Variants in CYBC1 observed in about 807,000 individuals in gnomAD.
CYBC1 encodes the protein essential for reactive oxygen species protein.
CYBC1 carries 22 observed loss-of-function variants against 21.7 expected under a neutral mutation model. That is an observed-to-expected ratio of 1.02 (90% CI 0.73 to 1.45). The LOEUF is 1.45. Ranked by LOEUF, CYBC1 falls within the 40% of genes most tolerant of loss-of-function variation. The pLI is 0.00. For synonymous variants in CYBC1, 112 were observed against 98.7 expected, an observed-to-expected ratio of 1.13 and a Z score of -0.80; for missense variants, 237 against 242.1, an observed-to-expected ratio of 0.98 and a Z score of 0.14.
intron 1 of CYBC1, chr17:82,449,698 G>T: frequency 6.2e-6 from 1 of 162,072 alleles, no homozygotes; most frequent in Non-Finnish European, 1.3e-5. Context: ...GGAACTGAAA[G>T]TCCCATCATG....
rs1358469505 is a variant in CYBC1, at chr17:82,442,900, G to T, written c.*1104C>A. ...CGCTCGGTGCACACCGCACCTGGGA[G>T]GACCTGGGTACACTCAGGAGACCAA... On this transcript the variant is annotated 3_prime_UTR_variant, in exon 7 of 7. Transcript: ENST00000306645. The surrounding 1 kb of genome is among the most constrained non-coding windows in gnomAD (Gnocchi z 6.8). The T allele has an allele frequency of 3.4e-6, 1 of 296,816 alleles. No homozygotes were observed. The highest frequency in any genetic ancestry group is 6.3e-6 in the Non-Finnish European group (1 of 158,694). 18.4% of individuals were successfully genotyped at this position (296,816 alleles called of 1,614,324 possible). A position where few individuals can be genotyped will look rare whatever the true frequency, so the allele number is the denominator to read the frequency against.
intron 5 of CYBC1, 42 bp from the exon 6 acceptor site, chr17:82,444,633 C>A: frequency 6.4e-7 from 1 of 1,560,880 alleles, no homozygotes; most frequent in Non-Finnish European, 8.7e-7. Flanking sequence ...CCCGCCCACA[C>A]ATGCTGCCCG....
chr17:82,449,021 G>C (rs1341980120), intron 2 of CYBC1, 149 bp downstream of exon 2: 19 of 648,638 alleles, frequency 2.9e-5, no homozygotes, highest in Non-Finnish European at 4.7e-5. Flanking sequence ...AAGTACACCA[G>C]ATAGAATTTG....
chr17:82,447,410 G>A (rs544159205), intron 3 of CYBC1, 170 bp downstream of exon 3: 137 of 658,942 alleles, frequency 2.1e-4, no homozygotes, highest in African/African-American at 1.8e-3. Flanking sequence ...ATGGGCGTGC[G>A]GAAGAACAGC....
chr17:82,446,111 G>T, intron 4 of CYBC1, 151 bp from the exon 5 acceptor site: 1 of 633,806 alleles, frequency 1.6e-6, no homozygotes, highest in South Asian at 1.9e-5. Flanking sequence ...GAAGCCACAG[G>T]TGCTGCTCTG....
intron 3 of CYBC1, 46 bp from the exon 4 acceptor site, chr17:82,446,742 C>T (rs774623467): frequency 1.3e-6 from 2 of 1,591,690 alleles, no homozygotes; most frequent in Non-Finnish European, 8.6e-7. Flanking sequence ...CAGGGACATG[C>T]CCACGGGAGG....
rs138330044 is a variant in CYBC1, at chr17:82,448,033, C to T, written c.86-412G>A. 691 of 287,108 alleles carry T rather than the reference C, an allele frequency of 2.4e-3. 4 individuals carry two copies. The highest frequency in any genetic ancestry group is 7.5e-3 in the African/African-American group (327 of 43,796). 17.8% of individuals were successfully genotyped at this position (287,108 alleles called of 1,614,324 possible). On this transcript the variant is annotated intron_variant, in intron 2 of 6. Coordinates refer to ENST00000306645, the MANE Select transcript of CYBC1 (RefSeq NM_001033046.4). ...TGACACGGGTGTTACTCCAGTAGCA[C>T]GTGGTGAGGCCTGAAGACTGTGCAC...
chr17:82,445,820 C>T, intron 5 of CYBC1, 44 bp downstream of exon 5: 1 of 1,485,606 alleles, frequency 6.7e-7, no homozygotes. Context: ...AAGTGCGCCG[C>T]CTCTGTGGCC....
At chr17:82,444,703 A>C in intron 5 of CYBC1, 112 bp from the exon 6 acceptor site, 2 of 1,386,146 alleles carry the variant, frequency 1.4e-6, no homozygotes, top group Non-Finnish European at 2.0e-6. Flanking sequence ...GTTGGCAGCA[A>C]AAGCATTTGC....
chr17:82,449,063 A>T (rs1265888733), intron 2 of CYBC1, 107 bp downstream of exon 2: 1 of 900,576 alleles, frequency 1.1e-6, no homozygotes. Context: ...TAGCCATTAG[A>T]TTTCAAGGTA....
Position 82,449,294 on chromosome 17 carries a change from T to A in CYBC1, c.-38-2A>T, listed in dbSNP as rs772902922. The A allele has an allele frequency of 1.5e-5, 22 of 1,474,822 alleles. No individual in the cohort carries two copies. The highest frequency in any genetic ancestry group is 2.0e-5 in the Non-Finnish European group (22 of 1,102,622). 91.4% of individuals were successfully genotyped at this position (1,474,822 alleles called of 1,614,324 possible). A position where few individuals can be genotyped will look rare whatever the true frequency, so the allele number is the denominator to read the frequency against. On this transcript the variant is annotated splice_acceptor_variant, in intron 1 of 6. Coordinates refer to ENST00000306645, the MANE Select transcript of CYBC1 (RefSeq NM_001033046.4). LOFTEE classifies it low-confidence loss of function (5UTR_SPLICE). The stretch of plus-strand genomic sequence containing the variant: ...ACCACTCTCTACAGGAGGAGGGGTC[T>A]GGGAACAGACAGAGGCAGCTGAGCC...
At position 82,443,684 on chromosome 17, in the gene CYBC1, C is replaced by G; in HGVS notation, c.*320G>C. 1.3e-6 allele frequency: 1 copy of G among 769,652 alleles called. No homozygotes were observed. Among genetic ancestry groups the G allele is most frequent in the Non-Finnish European group, 2.4e-6 (1 of 421,998 alleles). The allele number at this position is 769,652 out of a possible 1,614,324, so 47.7% of individuals were successfully genotyped here. On this transcript the variant is annotated 3_prime_UTR_variant, in exon 7 of 7. Transcript: ENST00000306645. This position sits in a 1 kb window ranked among gnomAD's most constrained non-coding sequence, Gnocchi z 6.7. ...AGAAAGTCTGGATGTCCTGGTCTGG[C>G]CTGCTGTTTCATGCAGTGTGCAAGC...
chr17:82,444,690 T>C (rs2143697356), intron 5 of CYBC1, 99 bp from the exon 6 acceptor site: 2 of 1,443,188 alleles, frequency 1.4e-6, no homozygotes, highest in Non-Finnish European at 9.4e-7. Context: ...ACAGCCACAC[T>C]TGGTTGGCAG....
chr17:82,446,710 T>C lies in CYBC1; in HGVS notation c.128-14A>G, dbSNP rs752210927. ...AGCCCAGGCTATCTGGAGATGGGCA[T>C]AGGGCGCCAGCCTGTGAGCTCCAGG... On this transcript the variant is annotated splice_polypyrimidine_tract_variant and intron_variant, in intron 3 of 6. Coordinates refer to ENST00000306645, the MANE Select transcript of CYBC1 (RefSeq NM_001033046.4). The C allele has an allele frequency of 1.9e-6, 3 of 1,613,366 alleles. No individual in the cohort carries two copies. Among genetic ancestry groups the C allele is most frequent in the Admixed American group, 1.7e-5 (1 of 60,000 alleles).
rs773817748 is a variant in CYBC1, at chr17:82,443,705, C to T, written c.*299G>A. On this transcript the variant is annotated 3_prime_UTR_variant, in exon 7 of 7. Coordinates refer to ENST00000306645, the MANE Select transcript of CYBC1 (RefSeq NM_001033046.4). The surrounding 1 kb of genome is among the most constrained non-coding windows in gnomAD (Gnocchi z 6.7). ...CTGGCCTGCTGTTTCATGCAGTGTG[C>T]AAGCAGCAGCATGAGCAGGCAATAG... 1.2e-5 allele frequency: 9 copies of T among 774,614 alleles called. No individual in the cohort carries two copies. In the African/African-American group the frequency reaches 1.5e-4, roughly 13 times the overall value. The allele number at this position is 774,614 out of a possible 1,614,324, so 48.0% of individuals were successfully genotyped here. A position where few individuals can be genotyped will look rare whatever the true frequency, so the allele number is the denominator to read the frequency against.
intron 6 of CYBC1, 38 bp from the exon 7 acceptor site, chr17:82,444,162 C>T (rs374866910): frequency 6.7e-4 from 1,069 of 1,596,634 alleles, no homozygotes; most frequent in Non-Finnish European, 8.6e-4. Flanking sequence ...GTCAGGTCAC[C>T]TCGGCATAGG....
intron 1 of CYBC1, 106 bp from the exon 2 acceptor site, chr17:82,449,398 C>T: frequency 1.9e-6 from 1 of 526,378 alleles, no homozygotes; most frequent in Non-Finnish European, 3.2e-6. Context: ...AACTAAGTCA[C>T]CTGCAGCCCC....
Position 82,445,552 on chromosome 17 carries a change from CCAGACCCCTGCTCCT to C in CYBC1, c.298+297_298+311del, listed in dbSNP as rs1213999820. The C allele has an allele frequency of 7.3e-4, 190 of 260,450 alleles. No individual in the cohort carries two copies. The Middle Eastern group carries it at 7.7e-3, about 11-fold the overall frequency. The allele number at this position is 260,450 out of a possible 1,614,324, so 16.1% of individuals were successfully genotyped here. A position where few individuals can be genotyped will look rare whatever the true frequency, so the allele number is the denominator to read the frequency against. Reference sequence around the variant, plus strand: ...CAGAGGCTGCCCGAGCCCGGGTGGGCCAGACCCCTGCTCCTCAGACCCCTGCTCTGCCAGACCCCT... The same window carrying C: ...CAGAGGCTGCCCGAGCCCGGGTGGGCCAGACCCCTGCTCTGCCAGACCCCT... On this transcript the variant is annotated intron_variant, in intron 5 of 6. Transcript: ENST00000306645.
rs1219203342 is a variant in CYBC1, at chr17:82,444,041, C to G, written c.527G>C (p.Ser176Thr). The G allele has an allele frequency of 5.0e-6, 8 of 1,613,394 alleles. No homozygotes were observed. Among genetic ancestry groups the G allele is most frequent in the Non-Finnish European group, 6.8e-6 (8 of 1,180,006 alleles). Residue 176 changes from serine (S) to threonine (T), a missense_variant, in exon 7 of 7, where the codon AGC becomes ACC. Transcript: ENST00000306645. The stretch of plus-strand genomic sequence containing the variant: ...TGCAGGGTCACCGGCCTCACTGTCG[C>G]TGCTCTGAGACAGCTCTGTGGGGCT... ...LESPTELSQS[S>T]DSEAGDPASQ...
Sources: gnomAD v4.1 joint callset for allele counts on GRCh38, gnomAD v4.1.1 for gene constraint, Gnocchi (gnomAD v3.1) non-coding constraint, MANE v1.5 for transcripts, NCBI Gene and HGNC (gene_info 2026-07-23, HGNC 2026-07-21) for gene names.